Variants in MAPKAP1 observed in about 807,000 individuals in gnomAD.
The protein encoded by MAPKAP1 is MAPK associated protein 1, also known as target of rapamycin complex 2 subunit MAPKAP1.
MAPKAP1 carries 20 observed loss-of-function variants against 65.7 expected under a neutral mutation model. That is an observed-to-expected ratio of 0.30 (90% CI 0.21 to 0.44). The LOEUF (loss-of-function observed/expected upper bound fraction) is 0.44. Ranked by LOEUF, MAPKAP1 falls within the 20% of genes least tolerant of loss-of-function variation. The pLI is 1.00. For synonymous variants in MAPKAP1, 222 were observed against 244.3 expected (o/e 0.91, Z 0.85); for missense variants, 423 against 648.0 (o/e 0.65, Z 3.77).
intron 4 of MAPKAP1, among the ~76,000 whole-genome samples, chr9:125,626,564 T>G (rs1184265032): frequency 6.6e-6 from 1 of 152,174 alleles, no homozygotes; most frequent in East Asian, 1.9e-4. Context: ...TGGCCACATT[T>G]CAAGTACTCA....
chr9:125,485,109 C>T (rs576293250), intron 8 of MAPKAP1, among the ~76,000 whole-genome samples: 3 of 152,222 alleles, frequency 2.0e-5, no homozygotes, highest in African/African-American at 4.8e-5. Context: ...TTCCCATTCA[C>T]GCAGGATAGA....
At chr9:125,547,476 G>C (rs1385878705) in intron 6 of MAPKAP1, among the ~76,000 whole-genome samples, 1 of 152,166 alleles carries the variant, frequency 6.6e-6, no homozygotes. Context: ...CTTCCCTATA[G>C]AATTGTCACA....
intron 10 of MAPKAP1, among the ~76,000 whole-genome samples, chr9:125,450,348 C>T (rs1852896732): frequency 6.6e-6 from 1 of 152,136 alleles, no homozygotes. Flanking sequence ...CCCCAAAATC[C>T]CAACACTAGC....
chr9:125,441,290 AG>A (rs1564511791), intron 11 of MAPKAP1, among the ~76,000 whole-genome samples: 2 of 152,210 alleles, frequency 1.3e-5, no homozygotes, highest in Non-Finnish European at 2.9e-5. Flanking sequence ...CCCATGGCTT[AG>A]CTCAGTGACA....
chr9:125,706,178 A>G (rs1241300411), intron 1 of MAPKAP1, among the ~76,000 whole-genome samples: 1 of 152,068 alleles, frequency 6.6e-6, no homozygotes, highest in Non-Finnish European at 1.5e-5. Flanking sequence ...ACCCATATCT[A>G]GGCTTCTGCT....
At chr9:125,576,374 A>T (rs1228215920) in intron 5 of MAPKAP1, among the ~76,000 whole-genome samples, 1 of 152,248 alleles carries the variant, frequency 6.6e-6, no homozygotes, top group African/African-American at 2.4e-5. Context: ...AGGGATTGGA[A>T]GGATATGTAT....
intron 5 of MAPKAP1, among the ~76,000 whole-genome samples, chr9:125,577,994 G>A (rs1241610469): frequency 6.6e-6 from 1 of 151,982 alleles, no homozygotes; most frequent in Non-Finnish European, 1.5e-5. Context: ...TAGAAAGGGG[G>A]GAAAGGTGGG....
intron 4 of MAPKAP1, among the ~76,000 whole-genome samples, chr9:125,612,343 C>G (rs997024832): frequency 6.6e-6 from 1 of 152,178 alleles, no homozygotes; most frequent in Non-Finnish European, 1.5e-5. Flanking sequence ...AATGGGCATA[C>G]AGCCATGCTC....
chr9:125,494,144 C>T (rs753688030), intron 8 of MAPKAP1, among the ~76,000 whole-genome samples: 8 of 152,184 alleles, frequency 5.3e-5, no homozygotes, highest in Non-Finnish European at 1.5e-5. Context: ...TAGCGCTCTG[C>T]ATCCATCACA....
intron 9 of MAPKAP1, among the ~76,000 whole-genome samples, chr9:125,470,263 A>C (rs1408192558): frequency 2.0e-5 from 3 of 152,242 alleles, no homozygotes; most frequent in Non-Finnish European, 4.4e-5. Flanking sequence ...TGATAGAACA[A>C]TAGTGGAATA....
At chr9:125,655,535 C>T (rs893189004) in intron 4 of MAPKAP1, among the ~76,000 whole-genome samples, 7 of 152,124 alleles carry the variant, frequency 4.6e-5, no homozygotes, top group African/African-American at 1.7e-4. Flanking sequence ...GTATAATTCT[C>T]TATTAATCAT....
intron 4 of MAPKAP1, among the ~76,000 whole-genome samples, chr9:125,593,175 G>A (rs1482481956): frequency 6.6e-6 from 1 of 151,900 alleles, no homozygotes; most frequent in Non-Finnish European, 1.5e-5. Context: ...ATGGTGGCAT[G>A]TGCCTATAGT....
At chr9:125,459,887 G>C (rs1024267184) in intron 10 of MAPKAP1, among the ~76,000 whole-genome samples, 1 of 138,600 alleles carries the variant, frequency 7.2e-6, no homozygotes, top group African/African-American at 2.6e-5. Flanking sequence ...CGCATATGGA[G>C]TCTTATAAGC....
At chr9:125,664,282 G>T (rs537534200) in intron 3 of MAPKAP1, among the ~76,000 whole-genome samples, 6 of 151,814 alleles carry the variant, frequency 4.0e-5, no homozygotes, top group Non-Finnish European at 8.8e-5. Context: ...TGGAGGCAAA[G>T]GTTGCAGTGA....
chr9:125,508,187 A>C (rs1397015129), intron 7 of MAPKAP1, among the ~76,000 whole-genome samples: 1 of 152,158 alleles, frequency 6.6e-6, no homozygotes, highest in African/African-American at 2.4e-5. Context: ...AAAAAGTGTT[A>C]AGTAAATCAA....
chr9:125,684,862 C>G (rs866138922), intron 1 of MAPKAP1, among the ~76,000 whole-genome samples: 3 of 152,148 alleles, frequency 2.0e-5, no homozygotes, highest in Non-Finnish European at 4.4e-5. Flanking sequence ...TTTGCAGAGA[C>G]AAGGTCTCAC....
intron 9 of MAPKAP1, among the ~76,000 whole-genome samples, chr9:125,476,694 T>G (rs534327666): frequency 6.6e-6 from 1 of 152,330 alleles, no homozygotes; most frequent in African/African-American, 2.4e-5. Context: ...TTCTTAAGTT[T>G]GCATGTTGTA....
chr9:125,667,832 T>C (rs960602565), intron 3 of MAPKAP1, among the ~76,000 whole-genome samples: 12 of 152,148 alleles, frequency 7.9e-5, no homozygotes, highest in African/African-American at 2.9e-4. Flanking sequence ...CAAGAAGAGA[T>C]TAATAAGAAC....
At chr9:125,589,031 C>T (rs1388138149) in intron 4 of MAPKAP1, among the ~76,000 whole-genome samples, 1 of 152,158 alleles carries the variant, frequency 6.6e-6, no homozygotes, top group Non-Finnish European at 1.5e-5. Flanking sequence ...TTTTTCATGG[C>T]TTTGCATGCG....
Sources: allele counts gnomAD v4.1 joint callset (sites outside exome capture counted in the v4.1 genomes callset), GRCh38; gene constraint gnomAD v4.1.1; transcripts MANE v1.5; gene names NCBI Gene and HGNC (gene_info 2026-07-23, HGNC 2026-07-21).